PCSK2: variants seen among roughly 807,000 people sequenced by gnomAD.
PCSK2 encodes the protein proprotein convertase subtilisin/kexin type 2, also known as neuroendocrine convertase 2.
Under a neutral mutation model 69.7 loss-of-function variants are expected in PCSK2, and 14 were observed. That is an observed-to-expected ratio of 0.20 (90% confidence interval 0.13 to 0.31). The LOEUF is 0.31. PCSK2 is among the 10% of genes least tolerant of loss of function. The pLI, the probability that PCSK2 is intolerant of heterozygous loss-of-function variation, is 1.00. For synonymous variants in PCSK2, 307 were observed against 320.7 expected (o/e 0.96, Z 0.46); for missense variants, 544 against 842.5 (o/e 0.65, Z 4.39).
rs113252628 is a variant in PCSK2 at position 17,255,023 on chromosome 20, C to T, written c.178-5217C>T. 4.6e-3 allele frequency among the ~76,000 whole-genome samples: 700 copies of T among 152,284 alleles called. 4 individuals are homozygous for T. Among genetic ancestry groups the T allele is most frequent in the Non-Finnish European group, 8.0e-3 (541 of 68,004 alleles). ...TGATTTTGCATGTTAATCTTATATT[C>T]TGCAACCTTGCTGACTCTTTTGTCA... On this transcript the variant is annotated intron_variant, in intron 1 of 11. Transcript: ENST00000262545.
intron 2 of PCSK2, among the ~76,000 whole-genome samples, chr20:17,336,792 T>C (rs995822141): frequency 6.6e-6 from 1 of 152,178 alleles, no homozygotes; most frequent in Non-Finnish European, 1.5e-5. Context: ...TCCATCCGTG[T>C]CTGAAGAGGG....
intron 6 of PCSK2, among the ~76,000 whole-genome samples, chr20:17,420,179 C>T (rs1397629878): frequency 6.6e-6 from 1 of 152,084 alleles, no homozygotes; most frequent in East Asian, 1.9e-4. Flanking sequence ...CCCCAAGCAA[C>T]AGGCCACAAA....
intron 5 of PCSK2, among the ~76,000 whole-genome samples, chr20:17,406,288 G>T (rs750716698): frequency 1.1e-4 from 16 of 152,120 alleles, no homozygotes; most frequent in Non-Finnish European, 1.8e-4. Context: ...TGCAAAATAT[G>T]GTTCCTCCTT....
rs2032719396 is a variant in PCSK2, at chr20:17,447,350, A to G, written c.886-6392A>G. 5.3e-5 allele frequency among the ~76,000 whole-genome samples: 8 copies of G among 152,172 alleles called. 1 individual carries two copies. Among genetic ancestry groups the G allele is most frequent in the Admixed American group, 5.2e-4 (8 of 15,284 alleles). ...TTGGGGCTTGGGGCTTTGCTAAATAATAAAGCAAGAATACAAATGAGCAGG... is the reference window on the plus strand; with the variant it reads ...TTGGGGCTTGGGGCTTTGCTAAATAGTAAAGCAAGAATACAAATGAGCAGG... On this transcript the variant is annotated intron_variant, in intron 8 of 11. Transcript: ENST00000262545.
intron 7 of PCSK2, among the ~76,000 whole-genome samples, chr20:17,433,785 TTCTC>T (rs369676259): frequency 2.0e-4 from 8 of 40,836 alleles, no homozygotes; most frequent in Non-Finnish European, 4.2e-4. Context: ...CTCCTTTGAT[TTCTC>T]TCTCTCTCTC....
chr20:17,370,405 A>G (rs1173921622), intron 5 of PCSK2, among the ~76,000 whole-genome samples: 3 of 152,232 alleles, frequency 2.0e-5, no homozygotes, highest in African/African-American at 4.8e-5. Flanking sequence ...CAAGGCATTC[A>G]AGGGATCTTA....
At chr20:17,277,533 T>A (rs1988130779) in intron 2 of PCSK2, among the ~76,000 whole-genome samples, 1 of 152,198 alleles carries the variant, frequency 6.6e-6, no homozygotes, top group South Asian at 2.1e-4. Flanking sequence ...AACCTGAAAC[T>A]GGATCCCCTC....
At chr20:17,434,188 ACGCT>A (rs1314265570) in intron 7 of PCSK2, among the ~76,000 whole-genome samples, 7 of 6,414 alleles carry the variant, frequency 1.1e-3, no homozygotes, top group South Asian at 7.0e-3. Context: ...CCCTCTATCT[ACGCT>A]CTCTCTCTCT....
Position 17,473,087 on chromosome 20 carries a change from CTTTTTTTTT to C in PCSK2, c.1430+7550_1430+7558del, listed in dbSNP as rs10648323. On this transcript the variant is annotated intron_variant, in intron 11 of 11. Transcript: ENST00000262545. ...ATCTCTAATAGGTCAAAGAAGAACT[CTTTTTTTTT>C]TTTTTTTTTTTTTTTGAGATCGAGT... 2.5e-4 allele frequency among the ~76,000 whole-genome samples: 19 copies of C among 76,790 alleles called. No homozygotes were observed. The East Asian group carries it at 6.6e-3, about 27-fold the overall frequency. 50.4% of individuals were successfully genotyped at this position (76,790 alleles called of 152,430 possible).
At chr20:17,401,149 C>T (rs1228303687) in intron 5 of PCSK2, among the ~76,000 whole-genome samples, 3 of 152,216 alleles carry the variant, frequency 2.0e-5, no homozygotes, top group Admixed American at 1.3e-4. Context: ...GCACCTGTGT[C>T]CCCTCATTCT....
chr20:17,311,449 G>T (rs1989508897), intron 2 of PCSK2, among the ~76,000 whole-genome samples: 1 of 152,024 alleles, frequency 6.6e-6, no homozygotes, highest in Non-Finnish European at 1.5e-5. Context: ...GGCAGGTGGT[G>T]GTATCACCTT....
intron 6 of PCSK2, among the ~76,000 whole-genome samples, chr20:17,413,409 A>G (rs145285565): frequency 2.1e-3 from 318 of 152,346 alleles, no homozygotes; most frequent in African/African-American, 7.3e-3. Flanking sequence ...CAGACTTTAA[A>G]CCAACAAAGA....
At chr20:17,364,659 A>G (rs2030530330) in intron 4 of PCSK2, among the ~76,000 whole-genome samples, 1 of 152,176 alleles carries the variant, frequency 6.6e-6, no homozygotes, top group African/African-American at 2.4e-5. Flanking sequence ...ACAAGATGAG[A>G]TCTGGGGGAG....
intron 2 of PCSK2, among the ~76,000 whole-genome samples, chr20:17,312,860 A>G (rs1989561133): frequency 1.3e-5 from 2 of 152,124 alleles, no homozygotes; most frequent in South Asian, 4.2e-4. Context: ...AACTTCTTAG[A>G]TTTATATGTC....
At chr20:17,355,365 C>A (rs115558241) in intron 2 of PCSK2, among the ~76,000 whole-genome samples, 1 of 152,110 alleles carries the variant, frequency 6.6e-6, no homozygotes, top group Non-Finnish European at 1.5e-5. Context: ...AAGTTATTTA[C>A]GACAAGGAGT....
intron 2 of PCSK2, among the ~76,000 whole-genome samples, chr20:17,329,473 A>T (rs1429735068): frequency 1.3e-5 from 2 of 152,216 alleles, no homozygotes; most frequent in African/African-American, 2.4e-5. Flanking sequence ...TTAAAAACAA[A>T]CACATTCTGT....
intron 5 of PCSK2, among the ~76,000 whole-genome samples, chr20:17,392,424 T>C (rs2031406230): frequency 6.6e-6 from 1 of 152,230 alleles, no homozygotes; most frequent in Non-Finnish European, 1.5e-5. Context: ...TTATTATTAC[T>C]TAAAATTACT....
chr20:17,247,330 A>G (rs1986807347), intron 1 of PCSK2, among the ~76,000 whole-genome samples: 3 of 152,232 alleles, frequency 2.0e-5, no homozygotes, highest in Non-Finnish European at 4.4e-5. Context: ...CCTGTTGGTA[A>G]AATTCAGGTC....
intron 11 of PCSK2, among the ~76,000 whole-genome samples, chr20:17,473,197 G>A (rs1213147344): frequency 2.8e-5 from 4 of 141,628 alleles, no homozygotes; most frequent in African/African-American, 1.0e-4. Context: ...GCGTTCAAGC[G>A]ATTCTCCTGC....
Sources: allele counts gnomAD v4.1 joint callset (sites outside exome capture counted in the v4.1 genomes callset), GRCh38; gene constraint gnomAD v4.1.1; transcripts MANE v1.5; gene names NCBI Gene and HGNC (gene_info 2026-07-23, HGNC 2026-07-21).